ANK1: variants seen among roughly 807,000 people sequenced by gnomAD.
ANK1 encodes the protein ankyrin 1.
A neutral mutation model predicts 210.4 loss-of-function variants in ANK1; 51 were observed. The ratio of observed to expected loss-of-function variants is 0.24; its 90% CI spans 0.19 to 0.31. The LOEUF is 0.31. ANK1 is among the 10% of genes least tolerant of loss of function. ANK1 has a pLI of 1.00. For missense variants in ANK1, 2,051 were observed against 2,504.4 expected, an observed-to-expected ratio of 0.82 and a Z score of 3.86; for synonymous variants, 967 against 1,025.9, an observed-to-expected ratio of 0.94 and a Z score of 1.10.
At chr8:41,662,202 A>G (rs180778749) in intron 40 of ANK1, among the ~76,000 whole-genome samples, 2 of 151,450 alleles carry the variant, frequency 1.3e-5, no homozygotes, top group Admixed American at 1.3e-4. Context: ...GGTTGCAGTG[A>G]GCTGAGATTG....
chr8:41,685,378 T>C (rs1046024024), intron 36 of ANK1, among the ~76,000 whole-genome samples: 1 of 152,268 alleles, frequency 6.6e-6, no homozygotes, highest in Non-Finnish European at 1.5e-5. Context: ...GATGCAAATG[T>C]AAACACTCAA....
chr8:41,707,220 G>C (rs978220169), intron 17 of ANK1, among the ~76,000 whole-genome samples: 2 of 152,260 alleles, frequency 1.3e-5, no homozygotes, highest in Non-Finnish European at 2.9e-5. Flanking sequence ...TGGCATCACA[G>C]CTTCGTCAGG....
chr8:41,728,877 C>T (rs555138399), intron 3 of ANK1, among the ~76,000 whole-genome samples: 8 of 152,352 alleles, frequency 5.3e-5, no homozygotes, highest in African/African-American at 9.6e-5. Flanking sequence ...GGCTTGTCAG[C>T]GAGCTGGCCT....
chr8:41,788,870 G>C (rs767031487), intron 1 of ANK1: 5 of 152,252 alleles, frequency 3.3e-5, no homozygotes, highest in African/African-American at 1.2e-4. Context: ...CGTTCAGAAG[G>C]CTCCTCAAAC....
intron 36 of ANK1, 119 bp from the exon 37 acceptor site, chr8:41,684,809 A>T: frequency 7.7e-7 from 1 of 1,295,546 alleles, no homozygotes; most frequent in Non-Finnish European, 1.1e-6. Context: ...CAGAAGGTGG[A>T]GGCACCCTCT....
chr8:41,712,867 G>C (rs1301333843), intron 16 of ANK1, among the ~76,000 whole-genome samples: 1 of 152,220 alleles, frequency 6.6e-6, no homozygotes, highest in Non-Finnish European at 1.5e-5. Flanking sequence ...GGGGAGTGAG[G>C]AGGAGGGGAG....
At chr8:41,842,000 T>C (rs79750294) in intron 1 of ANK1, among the ~76,000 whole-genome samples, 3,098 of 152,288 alleles carry the variant, frequency 0.02, 42 homozygotes, top group Non-Finnish European at 0.021. Context: ...CACACACTTA[T>C]CTGGACAAGG....
intron 38 of ANK1, among the ~76,000 whole-genome samples, chr8:41,670,807 G>T (rs921197612): frequency 1.3e-5 from 2 of 152,188 alleles, no homozygotes; most frequent in East Asian, 3.8e-4. Context: ...AGCTCCTTGG[G>T]GTGGGGGCCT....
chr8:41,877,589 C>T (rs1240901968), intron 1 of ANK1, among the ~76,000 whole-genome samples: 2 of 152,240 alleles, frequency 1.3e-5, no homozygotes, highest in African/African-American at 4.8e-5. Context: ...AAAGCCACTG[C>T]TCTCACAGAA....
chr8:41,866,103 G>A (rs1476789098), intron 1 of ANK1, among the ~76,000 whole-genome samples: 2 of 152,124 alleles, frequency 1.3e-5, no homozygotes, highest in Admixed American at 1.3e-4. Context: ...CCTTCTCTTG[G>A]GGCCACCAGG....
At chr8:41,773,424 C>G (rs1192787940) in intron 1 of ANK1, among the ~76,000 whole-genome samples, 1 of 152,134 alleles carries the variant, frequency 6.6e-6, no homozygotes, top group Non-Finnish European at 1.5e-5. Flanking sequence ...GGGGGAGGCA[C>G]AGCTGAACCT....
At chr8:41,862,660 C>CAAAAAAAAAAAAAAAAAAAAAGAAAAAAA (rs60114930) in intron 1 of ANK1, among the ~76,000 whole-genome samples, 1 of 99,640 alleles carries the variant, frequency 1.0e-5, no homozygotes, top group Non-Finnish European at 2.2e-5. Context: ...GAGGCTCAGA[C>CAAAAAAAAAAAAAAAAAAAAAGAAAAAAA]AAAAAAAAAA....
rs1291428348 is a variant in ANK1 at position 41,654,125 on chromosome 8, G to A, written c.*1665C>T. 6.6e-6 allele frequency: 1 copy of A among 152,566 alleles called. No homozygotes were observed. Among genetic ancestry groups the A allele is most frequent in the African/African-American group, 2.4e-5 (1 of 41,444 alleles). The allele number at this position is 152,566 out of a possible 1,614,324, so 9.5% of individuals were successfully genotyped here. A position where few individuals can be genotyped will look rare whatever the true frequency, so the allele number is the denominator to read the frequency against. On this transcript the variant is annotated 3_prime_UTR_variant, in exon 43 of 43. Transcript: ENST00000289734. ...CGGGCCGTCCACACCGCGGCTCCAG[G>A]GGCGAGAGGAGCCAGCCCTGTCTCT...
In ANK1 at chr8:41,694,733, G is replaced by A. The variant is rs1247598917; in HGVS notation, c.3186C>T (p.Tyr1062=). 6.2e-7 allele frequency: 1 copy of A among 1,614,048 alleles called. No individual in the cohort carries two copies. Among genetic ancestry groups the A allele is most frequent in the Non-Finnish European group, 8.5e-7 (1 of 1,180,038 alleles). The part of the protein sequence containing the change: ...CRIITTDFPL[Y]FVIMSRLCQD... ...GGCAGAGCCGTGACATGATCACGAA[G>A]TACAGCGGGAAGTCGGTGGTGATGA... is the stretch of plus-strand genomic sequence containing the variant. Residue 1062 remains tyrosine (Y), a synonymous_variant, in exon 28 of 43, where the codon TAC becomes TAT. Coordinates refer to ENST00000289734, the MANE Select transcript of ANK1 (RefSeq NM_000037.4). The surrounding 1 kb of genome is among the most constrained non-coding windows in gnomAD (Gnocchi z 5.7).
chr8:41,803,668 C>T (rs954417534), intron 1 of ANK1, among the ~76,000 whole-genome samples: 1 of 151,518 alleles, frequency 6.6e-6, no homozygotes, highest in Non-Finnish European at 1.5e-5. Context: ...AAAGTTTTAC[C>T]ATTAAGTATA....
chr8:41,705,417 C>T (rs1006937811), intron 18 of ANK1, among the ~76,000 whole-genome samples: 2 of 152,144 alleles, frequency 1.3e-5, no homozygotes, highest in Non-Finnish European at 2.9e-5. Context: ...AAGCTGCAGG[C>T]AGTTGGAGAC....
At chr8:41,701,844 G>A (rs576384827) in intron 21 of ANK1, among the ~76,000 whole-genome samples, 32 of 152,326 alleles carry the variant, frequency 2.1e-4, no homozygotes, top group African/African-American at 7.5e-4. Context: ...ACTGCTGCCC[G>A]GAAAGCTGGT....
At chr8:41,729,683 T>G (rs962437874) in intron 3 of ANK1, among the ~76,000 whole-genome samples, 2 of 152,376 alleles carry the variant, frequency 1.3e-5, no homozygotes, top group African/African-American at 4.8e-5. Flanking sequence ...TTCTCCGGTT[T>G]TCTTGTCTGG....
chr8:41,886,328 G>A (rs1818433777), intron 1 of ANK1, among the ~76,000 whole-genome samples: 1 of 152,198 alleles, frequency 6.6e-6, no homozygotes, highest in Non-Finnish European at 1.5e-5. Flanking sequence ...CCTCCCAACA[G>A]CCCTGCATGG....
Sources: allele counts gnomAD v4.1 joint callset (sites outside exome capture counted in the v4.1 genomes callset), GRCh38; gene constraint gnomAD v4.1.1; non-coding constraint Gnocchi (gnomAD v3.1); transcripts MANE v1.5; gene names NCBI Gene and HGNC (gene_info 2026-07-23, HGNC 2026-07-21).